CEP85L: variants seen among roughly 807,000 people sequenced by gnomAD.
CEP85L encodes centrosomal protein of 85 kDa-like.
Under a neutral mutation model 100.3 loss-of-function variants are expected in CEP85L, and 60 were observed. That is an observed-to-expected ratio of 0.60 (90% CI 0.49 to 0.74). The LOEUF (loss-of-function observed/expected upper bound fraction) is 0.74, where lower values mean the gene tolerates loss of function less well. Among genes scored for constraint, CEP85L ranks in the 30% least tolerant of loss-of-function variants. The pLI is 0.00. For synonymous variants in CEP85L, 319 were observed against 322.7 expected, an observed-to-expected ratio of 0.99 and a Z score of 0.12; for missense variants, 973 against 936.2, an observed-to-expected ratio of 1.04 and a Z score of -0.51.
At chr6:118,578,661 G>T (rs542405637) in intron 2 of CEP85L, among the ~76,000 whole-genome samples, 1 of 152,184 alleles carries the variant, frequency 6.6e-6, no homozygotes, top group Admixed American at 6.5e-5. Context: ...CCCAGGAGGC[G>T]GACGTTGCCA....
At chr6:118,555,974 CAT>C (rs1778845258) in intron 3 of CEP85L, among the ~76,000 whole-genome samples, 1 of 152,192 alleles carries the variant, frequency 6.6e-6, no homozygotes, top group African/African-American at 2.4e-5. Flanking sequence ...CCGCAAAAGA[CAT>C]GATATCATTC....
intron 5 of CEP85L, among the ~76,000 whole-genome samples, chr6:118,503,550 T>C (rs899932914): frequency 6.6e-6 from 1 of 152,130 alleles, no homozygotes; most frequent in Middle Eastern, 3.2e-3. Flanking sequence ...ATAATAAGGC[T>C]ACAGTAATCA....
intron 1 of CEP85L, among the ~76,000 whole-genome samples, chr6:118,708,562 G>C (rs554247230): frequency 6.6e-6 from 1 of 152,310 alleles, no homozygotes; most frequent in East Asian, 1.9e-4. Context: ...TTTAGGAAGA[G>C]AATTAAAAGA....
intron 6 of CEP85L, among the ~76,000 whole-genome samples, chr6:118,489,289 A>AG (rs34683928): frequency 6.6e-6 from 1 of 151,258 alleles, no homozygotes; most frequent in African/African-American, 2.4e-5. Flanking sequence ...AAAAAAAAAA[A>AG]TGAGAGATAA....
chr6:118,488,711 C>T (rs996881139), intron 6 of CEP85L, among the ~76,000 whole-genome samples: 2 of 152,054 alleles, frequency 1.3e-5, no homozygotes, highest in African/African-American at 4.8e-5. Context: ...CCAGGGGACC[C>T]AATGGAACCC....
chr6:118,709,781 C>G (rs2114400144), intron 1 of CEP85L, among the ~76,000 whole-genome samples: 1 of 152,240 alleles, frequency 6.6e-6, no homozygotes, highest in East Asian at 1.9e-4. Flanking sequence ...GTTCCTTTCC[C>G]CCTGACAGGG....
At chr6:118,529,674 T>G (rs1221563402) in intron 3 of CEP85L, among the ~76,000 whole-genome samples, 1 of 151,392 alleles carries the variant, frequency 6.6e-6, no homozygotes, top group African/African-American at 2.4e-5. Context: ...GTTTCAAGTA[T>G]TATGCCCAAA....
intron 1 of CEP85L, among the ~76,000 whole-genome samples, chr6:118,661,799 T>C (rs954647990): frequency 1.4e-4 from 21 of 152,230 alleles, no homozygotes; most frequent in African/African-American, 5.1e-4. Flanking sequence ...AAGACAATTG[T>C]AAGTCGGAGA....
rs41291940 is a variant in CEP85L at position 118,523,741 on chromosome 6, T to C, written c.1139+61A>G. ...TTCTATGTAGTGGACATAAAGTTAA[T>C]TGTTTCATTAATCTAAATTTCTGTA... On this transcript the variant is annotated intron_variant, in intron 4 of 12. Transcript: ENST00000368491. 3.2e-3 allele frequency: 2,438 copies of C among 765,494 alleles called. 13 individuals are homozygous for C. The highest frequency in any genetic ancestry group is 4.7e-3 in the Non-Finnish European group (2,167 of 463,526). 47.4% of individuals were successfully genotyped at this position (765,494 alleles called of 1,614,324 possible).
intron 1 of CEP85L, among the ~76,000 whole-genome samples, chr6:118,693,423 A>G (rs536291709): frequency 6.6e-6 from 1 of 152,230 alleles, no homozygotes; most frequent in Non-Finnish European, 1.5e-5. Flanking sequence ...TTAACTTTTA[A>G]TATTATCAAA....
At chr6:118,559,406 C>A in intron 3 of CEP85L, 1 of 348,994 alleles carries the variant, frequency 2.9e-6, no homozygotes, top group Non-Finnish European at 5.7e-6. Context: ...AACTGCACTG[C>A]CAACAAGTTC....
chr6:118,476,833 T>C (rs1773419294), intron 10 of CEP85L, among the ~76,000 whole-genome samples: 1 of 152,222 alleles, frequency 6.6e-6, no homozygotes, highest in African/African-American at 2.4e-5. Flanking sequence ...AGAAAGGCCA[T>C]TTAAATGCCT....
At chr6:118,522,687 G>T (rs892066809) in intron 4 of CEP85L, among the ~76,000 whole-genome samples, 2 of 152,066 alleles carry the variant, frequency 1.3e-5, no homozygotes, top group African/African-American at 4.8e-5. Context: ...AGACAATACT[G>T]GCCAACACGG....
chr6:118,474,210 A>G (rs938284082), intron 10 of CEP85L, among the ~76,000 whole-genome samples: 6 of 152,204 alleles, frequency 3.9e-5, no homozygotes, highest in Non-Finnish European at 8.8e-5. Context: ...ACTCAGTAAG[A>G]AGAGTAAGAG....
At chr6:118,482,847 CAG>C (rs58538608) in intron 7 of CEP85L, among the ~76,000 whole-genome samples, 4,507 of 152,220 alleles carry the variant, frequency 0.03, 111 homozygotes, top group African/African-American at 0.057. Context: ...GTAAAATAAA[CAG>C]AGAATGCAAC....
At chr6:118,674,023 A>G (rs1280409793) in intron 1 of CEP85L, among the ~76,000 whole-genome samples, 2 of 152,246 alleles carry the variant, frequency 1.3e-5, no homozygotes. Flanking sequence ...TAAATTGATC[A>G]TAGGCCTAAT....
At chr6:118,522,517 T>C (rs558341196) in intron 4 of CEP85L, among the ~76,000 whole-genome samples, 1 of 152,270 alleles carries the variant, frequency 6.6e-6, no homozygotes, top group East Asian at 1.9e-4. Flanking sequence ...TCTTCCACAA[T>C]CCTTCATTTA....
intron 3 of CEP85L, among the ~76,000 whole-genome samples, chr6:118,528,516 T>C (rs1182892843): frequency 4.6e-5 from 7 of 152,174 alleles, no homozygotes; most frequent in Middle Eastern, 3.2e-3. Flanking sequence ...TCCCTGTAAT[T>C]AAGATACAAT....
chr6:118,513,180 T>C (rs1271795980), intron 4 of CEP85L, among the ~76,000 whole-genome samples: 2 of 151,914 alleles, frequency 1.3e-5, no homozygotes, highest in African/African-American at 2.4e-5. Flanking sequence ...AAAAAGCTCA[T>C]AGTATCAGTG....
Sources: allele counts gnomAD v4.1 joint callset (sites outside exome capture counted in the v4.1 genomes callset), GRCh38; gene constraint gnomAD v4.1.1; transcripts MANE v1.5; gene names NCBI Gene and HGNC (gene_info 2026-07-23, HGNC 2026-07-21).